CRTC1: variants seen among roughly 807,000 people sequenced by gnomAD.
CRTC1 encodes CREB-regulated transcription coactivator 1.
In CRTC1, 18 loss-of-function variants were observed where a neutral mutation model predicts 66.1. The ratio of observed to expected loss-of-function variants is 0.27; its 90% CI spans 0.19 to 0.40. The LOEUF (loss-of-function observed/expected upper bound fraction) is 0.40. CRTC1 is among the 10% of genes least tolerant of loss of function. CRTC1 has a pLI of 1.00. For missense variants in CRTC1, 669 were observed against 887.9 expected (o/e 0.75, Z 3.13); for synonymous variants, 416 against 398.8 (o/e 1.04, Z -0.51).
chr19:18,724,974 C>T (rs1245346272), intron 1 of CRTC1, among the ~76,000 whole-genome samples: 4 of 152,032 alleles, frequency 2.6e-5, no homozygotes, highest in African/African-American at 7.2e-5. Context: ...CCTGTCACCC[C>T]CTGCCCAGCT....
intron 1 of CRTC1, among the ~76,000 whole-genome samples, chr19:18,705,419 C>G (rs1472882277): frequency 6.6e-6 from 1 of 152,140 alleles, no homozygotes; most frequent in Non-Finnish European, 1.5e-5. Context: ...CTCCTGGGTT[C>G]AAGCGGTTCT....
Position 18,713,609 on chromosome 19 carries a change from G to A in CRTC1, c.127-29301G>A, listed in dbSNP as rs572106636. On this transcript the variant is annotated intron_variant, in intron 1 of 13. Transcript: ENST00000321949. ...CAATGTTACTGGGCCTGTTGTTGGG[G>A]TCTGTAGTGTTTCTGTATGGCTCTG... Among the ~76,000 whole-genome samples the A allele has an allele frequency of 1.6e-4, 11 of 70,570 alleles. No individual in the cohort carries two copies. In the South Asian group the frequency reaches 4.8e-3, roughly 31 times the overall value. The allele number at this position is 70,570 out of a possible 152,430, so 46.3% of individuals were successfully genotyped here. A position where few individuals can be genotyped will look rare whatever the true frequency, so the allele number is the denominator to read the frequency against.
intron 5 of CRTC1, among the ~76,000 whole-genome samples, chr19:18,752,161 A>G (rs535424409): frequency 8.2e-4 from 125 of 151,616 alleles, no homozygotes; most frequent in African/African-American, 2.7e-3. Context: ...AAAAAAAAAA[A>G]AAAGAAAGAA....
chr19:18,762,376 A>G (rs1355601151), intron 8 of CRTC1, among the ~76,000 whole-genome samples: 1 of 152,212 alleles, frequency 6.6e-6, no homozygotes, highest in Non-Finnish European at 1.5e-5. Context: ...CTCGCCTGGC[A>G]GGGGCTTTGC....
At position 18,779,485 on chromosome 19, in the gene CRTC1, T is replaced by C; in HGVS notation, c.*2103T>C. ...TTTTTTTTTTTTAAGAAAAACTACA[T>C]GTACATAGGAGAGTTTCATTACCAT... On this transcript the variant is annotated 3_prime_UTR_variant, in exon 14 of 14. Transcript: ENST00000321949. The C allele has an allele frequency of 4.6e-6, 1 of 215,414 alleles. No homozygotes were observed. Among genetic ancestry groups the C allele is most frequent in the Non-Finnish European group, 9.3e-6 (1 of 107,370 alleles). The allele number at this position is 215,414 out of a possible 1,614,324, so 13.3% of individuals were successfully genotyped here. A position where few individuals can be genotyped will look rare whatever the true frequency, so the allele number is the denominator to read the frequency against.
In CRTC1 at chr19:18,749,774, C is replaced by A. The variant is rs1240353949; in HGVS notation, c.444-7C>A. 6.2e-7 allele frequency: 1 copy of A among 1,613,254 alleles called. No homozygotes were observed. The highest frequency in any genetic ancestry group is 8.5e-7 in the Non-Finnish European group (1 of 1,179,254). On this transcript the variant is annotated splice_region_variant and splice_polypyrimidine_tract_variant and intron_variant, in intron 4 of 13. Transcript: ENST00000321949. ...AGGCTCATTGTCTCTTCCTCCCTCC[C>A]CACCAGGACCAATTCTGACTCCGCC... is the stretch of plus-strand genomic sequence containing the variant.
chr19:18,771,236 G>C lies in CRTC1; in HGVS notation c.1321-206G>C, dbSNP rs567068130. On this transcript the variant is annotated intron_variant, in intron 10 of 13. Coordinates refer to ENST00000321949, the MANE Select transcript of CRTC1 (RefSeq NM_015321.3). This position sits in a 1 kb window ranked among gnomAD's most constrained non-coding sequence, Gnocchi z 4.6. ...CTCCACGCCGTTCCTTCCTGGGTTC[G>C]GGGGCAGCTCCCCGGAGGCTCAGGT... 2.5e-4 allele frequency among the ~76,000 whole-genome samples: 10 copies of C among 39,972 alleles called. No homozygotes were observed. Among genetic ancestry groups the C allele is most frequent in the South Asian group, 1.1e-3 (1 of 882 alleles). 26.2% of individuals were successfully genotyped at this position (39,972 alleles called of 152,430 possible). A position where few individuals can be genotyped will look rare whatever the true frequency, so the allele number is the denominator to read the frequency against.
chr19:18,726,883 G>GCCA (rs2053764341), intron 1 of CRTC1, among the ~76,000 whole-genome samples: 1 of 147,660 alleles, frequency 6.8e-6, no homozygotes, highest in Non-Finnish European at 1.5e-5. Flanking sequence ...CCGAGATCGT[G>GCCA]CCACTGCATT....
At chr19:18,685,789 AGTT>A (rs760094594) in intron 1 of CRTC1, among the ~76,000 whole-genome samples, 3 of 152,122 alleles carry the variant, frequency 2.0e-5, no homozygotes, top group Non-Finnish European at 2.9e-5. Flanking sequence ...GCTGGCATGC[AGTT>A]GTTGTCAAAT....
At chr19:18,715,677 AGTGTG>A (rs2053491390) in intron 1 of CRTC1, among the ~76,000 whole-genome samples, 1 of 152,070 alleles carries the variant, frequency 6.6e-6, no homozygotes, top group Non-Finnish European at 1.5e-5. Context: ...CCTGCTTCTC[AGTGTG>A]TGGACATCAT....
At chr19:18,715,562 C>G (rs889807236) in intron 1 of CRTC1, among the ~76,000 whole-genome samples, 1 of 152,218 alleles carries the variant, frequency 6.6e-6, no homozygotes, top group Non-Finnish European at 1.5e-5. Context: ...GTACGTCCCA[C>G]AACAGAAAGT....
chr19:18,688,665 C>T (rs1448304698), intron 1 of CRTC1, among the ~76,000 whole-genome samples: 2 of 151,604 alleles, frequency 1.3e-5, no homozygotes, highest in Non-Finnish European at 2.9e-5. Context: ...CTTGAACTCC[C>T]GACCTCAGGT....
At chr19:18,775,309 G>A (rs1449932860) in intron 12 of CRTC1, among the ~76,000 whole-genome samples, 1 of 152,244 alleles carries the variant, frequency 6.6e-6, no homozygotes, top group Non-Finnish European at 1.5e-5. Context: ...GCGGCGCCTC[G>A]GCATGGACCG....
At chr19:18,689,237 A>G (rs1403663826) in intron 1 of CRTC1, among the ~76,000 whole-genome samples, 1 of 151,488 alleles carries the variant, frequency 6.6e-6, no homozygotes, top group Admixed American at 6.6e-5. Flanking sequence ...GTGAGCCACC[A>G]CACCTGGTCA....
At chr19:18,724,594 T>G (rs557928388) in intron 1 of CRTC1, among the ~76,000 whole-genome samples, 33 of 151,388 alleles carry the variant, frequency 2.2e-4, no homozygotes, top group Non-Finnish European at 4.4e-4. Context: ...GAATCTTTCC[T>G]GCCTCTTCCA....
chr19:18,749,959 G>C, intron 5 of CRTC1, 84 bp downstream of exon 5: 1 of 1,041,716 alleles, frequency 9.6e-7, no homozygotes, highest in Non-Finnish European at 1.5e-6. Flanking sequence ...TCACAAGCTT[G>C]TGGGCAGATG....
At chr19:18,739,394 C>T (rs138370542) in intron 1 of CRTC1, among the ~76,000 whole-genome samples, 22 of 152,348 alleles carry the variant, frequency 1.4e-4, no homozygotes, top group Non-Finnish European at 2.1e-4. Flanking sequence ...GCCAAGCTGC[C>T]GCCTGAGGCC....
chr19:18,694,128 C>T (rs549563591), intron 1 of CRTC1, among the ~76,000 whole-genome samples: 110 of 118,858 alleles, frequency 9.3e-4, no homozygotes, highest in Non-Finnish European at 1.3e-3. Flanking sequence ...AGCGAGACTC[C>T]GTCTCAGAAA....
intron 9 of CRTC1, among the ~76,000 whole-genome samples, chr19:18,765,933 C>G (rs1260609606): frequency 6.6e-6 from 1 of 151,894 alleles, no homozygotes; most frequent in East Asian, 1.9e-4. Flanking sequence ...TGCACTCTAC[C>G]CTGGGAGACA....
Sources: allele counts gnomAD v4.1 joint callset (sites outside exome capture counted in the v4.1 genomes callset), GRCh38; gene constraint gnomAD v4.1.1; non-coding constraint Gnocchi (gnomAD v3.1); transcripts MANE v1.5; gene names NCBI Gene and HGNC (gene_info 2026-07-23, HGNC 2026-07-21).